Variants in ZWILCH observed in about 807,000 individuals in gnomAD.
The protein encoded by ZWILCH is zwilch kinetochore protein.
ZWILCH carries 74 observed loss-of-function variants against 79.9 expected under a neutral mutation model. That is an observed-to-expected ratio of 0.93 (90% CI 0.77 to 1.12). The LOEUF is 1.12. Among genes scored for constraint, ZWILCH ranks in the 50% most tolerant of loss-of-function variants. The pLI, the probability that ZWILCH is intolerant of heterozygous loss-of-function variation, is 0.00. For missense variants in ZWILCH, 694 were observed against 687.5 expected (o/e 1.01, Z -0.11); for synonymous variants, 241 against 228.2 (o/e 1.06, Z -0.51).
rs75115758 is a variant in ZWILCH, at chr15:66,537,071, C to T, written c.1479-97C>T. 648 of 789,782 alleles carry T rather than the reference C, an allele frequency of 8.2e-4. 4 individuals carry two copies. The African/African-American group carries it at 0.01, about 13-fold the overall frequency. The allele number at this position is 789,782 out of a possible 1,614,324, so 48.9% of individuals were successfully genotyped here. On this transcript the variant is annotated intron_variant, in intron 15 of 18. Transcript: ENST00000307897. The stretch of plus-strand genomic sequence containing the variant: ...TTCGCTGATGTTTTAGTTAGTAGTA[C>T]TCAATAAAATGTTTCCCTTACGAGC...
chr15:66,550,096 A>C lies in ZWILCH; in HGVS notation c.*1772A>C, dbSNP rs1243484257. 1.3e-6 allele frequency: 2 copies of C among 1,599,194 alleles called. No individual in the cohort carries two copies. The highest frequency in any genetic ancestry group is 1.7e-5 in the Admixed American group (1 of 57,380). On this transcript the variant is annotated 3_prime_UTR_variant, in exon 19 of 19. Coordinates refer to ENST00000307897, the MANE Select transcript of ZWILCH (RefSeq NM_017975.5). ...AAGTTTCCAAAGCTTTGAGGTACCA[A>C]CTTTCCACCTAATAAAAACCCACTT...
chr15:66,534,120 C>CA (rs1894938540), intron 14 of ZWILCH, among the ~76,000 whole-genome samples: 2 of 150,550 alleles, frequency 1.3e-5, no homozygotes, highest in African/African-American at 2.4e-5. Context: ...GACCCTGTTT[C>CA]AAAAAAAAGG....
intron 2 of ZWILCH, among the ~76,000 whole-genome samples, chr15:66,513,743 T>C (rs1894155313): frequency 6.6e-6 from 1 of 151,926 alleles, no homozygotes; most frequent in African/African-American, 2.4e-5. Flanking sequence ...GGCTAATTTT[T>C]TGTATTTTTA....
At chr15:66,530,703 C>T (rs545195538) in intron 12 of ZWILCH, among the ~76,000 whole-genome samples, 1 of 152,276 alleles carries the variant, frequency 6.6e-6, no homozygotes, top group South Asian at 2.1e-4. Context: ...TGAACTTGTG[C>T]CACTTTTATA....
At position 66,546,607 on chromosome 15, in the gene ZWILCH, A is replaced by T. The variant is rs778240303; in HGVS notation, c.1704A>T (p.Thr568=). Residue 568 remains threonine, a synonymous_variant, in exon 18 of 19, where the codon ACA becomes ACT. Transcript: ENST00000307897. ...NFHKPDFSEL[T]LNGSLEERIF... is the part of the protein sequence containing the mutation. ...TGATTACAGATTTTTCGGAATTAACACTAAACGGTAGCCTGGAAGAAAGGA... is the reference window on the plus strand; with the variant it reads ...TGATTACAGATTTTTCGGAATTAACTCTAAACGGTAGCCTGGAAGAAAGGA... 6.2e-7 allele frequency: 1 copy of T among 1,607,470 alleles called. No homozygotes were observed. Among genetic ancestry groups the T allele is most frequent in the South Asian group, 1.1e-5 (1 of 89,758 alleles).
chr15:66,535,034 A>G (rs1000116453), intron 14 of ZWILCH, among the ~76,000 whole-genome samples: 7 of 151,894 alleles, frequency 4.6e-5, no homozygotes, highest in Admixed American at 2.6e-4. Flanking sequence ...GCTTTTTTCT[A>G]TTTTTAACTT....
At chr15:66,540,662 CCT>C (rs1895164932) in intron 17 of ZWILCH, among the ~76,000 whole-genome samples, 1 of 150,308 alleles carries the variant, frequency 6.7e-6, no homozygotes, top group African/African-American at 2.4e-5. Flanking sequence ...GGAGTCTCCC[CCT>C]GTCGCCCAGG....
chr15:66,526,661 A>C (rs1348629091), intron 8 of ZWILCH, among the ~76,000 whole-genome samples: 1 of 151,674 alleles, frequency 6.6e-6, no homozygotes, highest in Non-Finnish European at 1.5e-5. Context: ...ACGGGGTTTC[A>C]CCGTGTTAGC....
Position 66,548,350 on chromosome 15 carries a change from G to T in ZWILCH, c.*27-1G>T. ...TTTATTTTCTAATTCTTAAATCCCAGCACAAGCCAAAAAGAGAAAGAGAAA... is the reference window on the plus strand; with the variant it reads ...TTTATTTTCTAATTCTTAAATCCCATCACAAGCCAAAAAGAGAAAGAGAAA... On this transcript the variant is annotated splice_acceptor_variant, in intron 18 of 18. Coordinates refer to ENST00000307897, the MANE Select transcript of ZWILCH (RefSeq NM_017975.5). LOFTEE classifies it low-confidence loss of function (3UTR_SPLICE). 2.2e-6 allele frequency: 1 copy of T among 452,940 alleles called. No individual in the cohort carries two copies. The highest frequency in any genetic ancestry group is 3.9e-6 in the Non-Finnish European group (1 of 254,866). 28.1% of individuals were successfully genotyped at this position (452,940 alleles called of 1,614,324 possible). A position where few individuals can be genotyped will look rare whatever the true frequency, so the allele number is the denominator to read the frequency against.
intron 17 of ZWILCH, 66 bp downstream of exon 17, chr15:66,540,276 G>A (rs943616513): frequency 3.7e-6 from 5 of 1,361,686 alleles, no homozygotes; most frequent in Non-Finnish European, 4.1e-6. Flanking sequence ...GTCTGGCTGG[G>A]CACAGCGGCT....
In ZWILCH at chr15:66,527,887, C is replaced by T. The variant is rs763756621; in HGVS notation, c.944C>T (p.Ser315Phe). 2 of 1,598,192 alleles carry T rather than the reference C, an allele frequency of 1.3e-6. No individual in the cohort carries two copies. The highest frequency in any genetic ancestry group is 1.7e-6 in the Non-Finnish European group (2 of 1,175,894). ...DLNKLDGFGD[S>F]TKKDTEVETL... Reference sequence around the variant, plus strand: ...AATAAGCTGGATGGATTTGGTGATTCTACAAAAAAAGACACTGAGGTTGAG... The same window carrying T: ...AATAAGCTGGATGGATTTGGTGATTTTACAAAAAAAGACACTGAGGTTGAG... Residue 315 changes from serine (S) to phenylalanine (F), a missense_variant, in exon 10 of 19, where the codon TCT becomes TTT. Physicochemically the swap from Ser to Phe is radical, Grantham distance 155. Transcript: ENST00000307897.
chr15:66,529,015 C>A, intron 11 of ZWILCH, 58 bp downstream of exon 11: 1 of 1,406,598 alleles, frequency 7.1e-7, no homozygotes, highest in South Asian at 1.2e-5. Flanking sequence ...ATTTTTAAGT[C>A]TTTTGGAAAT....
intron 5 of ZWILCH, among the ~76,000 whole-genome samples, chr15:66,519,904 C>T (rs977578997): frequency 3.9e-5 from 6 of 152,078 alleles, no homozygotes; most frequent in Non-Finnish European, 5.9e-5. Context: ...CTCAAGTGAT[C>T]CTCCCACCAT....
chr15:66,528,593 A>G (rs1894755846), intron 10 of ZWILCH, among the ~76,000 whole-genome samples: 1 of 132,228 alleles, frequency 7.6e-6, no homozygotes, highest in African/African-American at 2.7e-5. Flanking sequence ...AACGGAGACC[A>G]AGGTAATTTA....
At chr15:66,517,583 A>G (rs1021524824) in intron 4 of ZWILCH, among the ~76,000 whole-genome samples, 5 of 149,872 alleles carry the variant, frequency 3.3e-5, no homozygotes, top group African/African-American at 1.2e-4. Flanking sequence ...TTACATAACC[A>G]TGGAACAATG....
chr15:66,548,283 G>C, intron 18 of ZWILCH, 68 bp from the exon 19 acceptor site: 1 of 371,614 alleles, frequency 2.7e-6, no homozygotes, highest in Non-Finnish European at 4.8e-6. Context: ...ACTTTAGGAG[G>C]GGTGAGATTA....
chr15:66,519,519 A>C (rs1405917547), intron 5 of ZWILCH, among the ~76,000 whole-genome samples: 1 of 152,154 alleles, frequency 6.6e-6, no homozygotes, highest in African/African-American at 2.4e-5. Context: ...CAGTGGCGCG[A>C]TCTCGGCTCA....
chr15:66,512,536 A>G (rs766164923), intron 2 of ZWILCH, among the ~76,000 whole-genome samples: 4 of 152,064 alleles, frequency 2.6e-5, no homozygotes, highest in East Asian at 1.9e-4. Context: ...ACAGGTGCCA[A>G]TGTGTCCAGC....
At chr15:66,539,401 CAAAAAA>C (rs536047404) in intron 16 of ZWILCH, among the ~76,000 whole-genome samples, 7 of 58,066 alleles carry the variant, frequency 1.2e-4, no homozygotes, top group Admixed American at 2.0e-4. Flanking sequence ...AAGACCCTGT[CAAAAAA>C]AAAAAAAAAA....
Sources: gnomAD v4.1 joint callset for allele counts (sites outside exome capture counted in the v4.1 genomes callset) on GRCh38, gnomAD v4.1.1 for gene constraint, MANE v1.5 for transcripts, NCBI Gene and HGNC (gene_info 2026-07-23, HGNC 2026-07-21) for gene names.